The following HSPA4L variants were observed in gnomAD, a reference collection of about 807,000 sequenced individuals.
HSPA4L encodes heat shock 70 kDa protein 4L.
Under a neutral mutation model 100.3 loss-of-function variants are expected in HSPA4L, and 48 were observed. That is an observed-to-expected ratio of 0.48 (90% CI 0.38 to 0.61). The LOEUF (loss-of-function observed/expected upper bound fraction) is 0.61, where lower values mean the gene tolerates loss of function less well. HSPA4L is among the 20% of genes least tolerant of loss of function. The probability of loss-of-function intolerance (pLI) is 0.00; values close to 1 mark genes in which losing one functional copy is unlikely to be tolerated. For missense variants in HSPA4L, 886 were observed against 988.6 expected, an observed-to-expected ratio of 0.90 and a Z score of 1.39; for synonymous variants, 319 against 328.2, an observed-to-expected ratio of 0.97 and a Z score of 0.30.
intron 12 of HSPA4L, among the ~76,000 whole-genome samples, chr4:127,816,784 T>C (rs1251757305): frequency 6.6e-6 from 1 of 152,084 alleles, no homozygotes; most frequent in Non-Finnish European, 1.5e-5. Context: ...TTCAGAAGAG[T>C]TGGATTCTGA....
At chr4:127,830,280 A>G (rs1734046217) in intron 17 of HSPA4L, among the ~76,000 whole-genome samples, 1 of 152,122 alleles carries the variant, frequency 6.6e-6, no homozygotes, top group African/African-American at 2.4e-5. Context: ...TTTCTGTTAT[A>G]TATTCATAAT....
rs2148805503 is a variant in HSPA4L at position 127,838,525 on chromosome 4, T to C, written c.*5651T>C. ...CAAAAAAAATTAATAGTATGCTCTT[T>C]GCTTTGGAATCTCTAATTTACGGTC... On this transcript the variant is annotated 3_prime_UTR_variant, in exon 19 of 19. Coordinates refer to ENST00000296464, the MANE Select transcript of HSPA4L (RefSeq NM_014278.4). 6.6e-6 allele frequency: 1 copy of C among 152,330 alleles called. No individual in the cohort carries two copies. The highest frequency in any genetic ancestry group is 6.5e-5 in the Admixed American group (1 of 15,306). 9.4% of individuals were successfully genotyped at this position (152,330 alleles called of 1,614,324 possible).
intron 1 of HSPA4L, among the ~76,000 whole-genome samples, chr4:127,784,737 A>G (rs1732665977): frequency 6.6e-6 from 1 of 152,268 alleles, no homozygotes; most frequent in Admixed American, 6.5e-5. Flanking sequence ...GAGGAAAAAC[A>G]TAGCCCTTCC....
Position 127,782,646 on chromosome 4 carries a change from C to T in HSPA4L, c.96C>T (p.Asp32=). 1 of 1,609,932 alleles carries T rather than the reference C, an allele frequency of 6.2e-7. No individual in the cohort carries two copies. The highest frequency in any genetic ancestry group is 1.1e-5 in the South Asian group (1 of 90,642). ...GIETIANEYS[D]RCTPACISLG... ...AGACCATCGCCAATGAGTACAGCGACAGGTGTACCCCGTAAGTGCCTCTGC... is the reference window on the plus strand; with the variant it reads ...AGACCATCGCCAATGAGTACAGCGATAGGTGTACCCCGTAAGTGCCTCTGC... Residue 32 remains aspartate, a synonymous_variant, in exon 1 of 19, where the codon GAC becomes GAT. Transcript: ENST00000296464.
At chr4:127,827,541 G>A (rs1733978298) in intron 17 of HSPA4L, 117 bp downstream of exon 17, 1 of 1,176,320 alleles carries the variant, frequency 8.5e-7, no homozygotes, top group Admixed American at 2.3e-5. Flanking sequence ...AAATTCCAGA[G>A]ACTTTGTGTA....
At chr4:127,827,796 A>G (rs1733984952) in intron 17 of HSPA4L, among the ~76,000 whole-genome samples, 1 of 151,988 alleles carries the variant, frequency 6.6e-6, no homozygotes, top group Non-Finnish European at 1.5e-5. Context: ...GGACTCTGCT[A>G]GCCTTTATTT....
intron 12 of HSPA4L, chr4:127,812,810 G>A: frequency 2.2e-6 from 3 of 1,368,364 alleles, no homozygotes; most frequent in Middle Eastern, 2.2e-4. Flanking sequence ...GGAGCAGGCT[G>A]GCGCTTTAGT....
chr4:127,782,035 C>T, upstream of HSPA4L: 1 of 454,848 alleles, frequency 2.2e-6, no homozygotes, highest in South Asian at 1.6e-5. Flanking sequence ...CGACGTCCTA[C>T]TGCCGAGCGA....
At chr4:127,820,965 T>C (rs1733795208) in intron 14 of HSPA4L, among the ~76,000 whole-genome samples, 1 of 152,160 alleles carries the variant, frequency 6.6e-6, no homozygotes, top group African/African-American at 2.4e-5. Context: ...TTTTAAAAAA[T>C]CTTTGTCATT....
chr4:127,824,414 TC>T (rs1419765638), intron 16 of HSPA4L, among the ~76,000 whole-genome samples: 1 of 152,188 alleles, frequency 6.6e-6, no homozygotes, highest in Non-Finnish European at 1.5e-5. Context: ...AATTACTAAA[TC>T]AGAAATGTAT....
At chr4:127,801,301 T>G (rs555688483) in intron 5 of HSPA4L, 64 bp downstream of exon 5, 1 of 1,198,128 alleles carries the variant, frequency 8.3e-7, no homozygotes, top group Admixed American at 2.3e-5. Flanking sequence ...TTTCTAATTA[T>G]TAACAAAGCA....
intron 2 of HSPA4L, among the ~76,000 whole-genome samples, chr4:127,795,282 A>C (rs1455809506): frequency 6.6e-6 from 1 of 152,214 alleles, no homozygotes; most frequent in African/African-American, 2.4e-5. Context: ...GAATATTTGC[A>C]TGATACAGGT....
chr4:127,803,941 G>C, intron 7 of HSPA4L, 68 bp downstream of exon 7: 2 of 1,607,298 alleles, frequency 1.2e-6, no homozygotes, highest in Non-Finnish European at 1.7e-6. Context: ...CGTCTGATTT[G>C]TTTGTTGTTT....
Position 127,813,647 on chromosome 4 carries a change from T to G in HSPA4L, c.1578+2011T>G, listed in dbSNP as rs370592645. On this transcript the variant is annotated intron_variant, in intron 12 of 18. Coordinates refer to ENST00000296464, the MANE Select transcript of HSPA4L (RefSeq NM_014278.4). ...GTGTTTATAATCATTTATCTATTTT[T>G]TTGTTGTTGTTGTTTGAGACAGTCT... is the stretch of plus-strand genomic sequence containing the variant. Among the ~76,000 whole-genome samples the G allele has an allele frequency of 3.5e-4, 53 of 152,302 alleles. 1 individual carries two copies. In the South Asian group the frequency reaches 3.9e-3, roughly 11 times the overall value.
chr4:127,823,592 C>T lies in HSPA4L; in HGVS notation c.2014C>T (p.Gln672Ter). Residue 672 changes from glutamine (Q) to a stop codon, truncating the protein, a stop_gained, in exon 16 of 19, where the codon CAA (glutamine) becomes TAA (stop). Coordinates refer to ENST00000296464, the MANE Select transcript of HSPA4L (RefSeq NM_014278.4). LOFTEE classifies it high-confidence loss of function. ...TGAAGACGGAGAGGACCAACCTAAA[C>T]AAGTTTATGTGGATAAGCTTCAAGA... ...LYEDGEDQPK[Q>*]VYVDKLQELK... 1 of 1,613,118 alleles carries T rather than the reference C, an allele frequency of 6.2e-7. No individual in the cohort carries two copies. The highest frequency in any genetic ancestry group is 1.1e-5 in the South Asian group (1 of 91,064).
intron 3 of HSPA4L, among the ~76,000 whole-genome samples, chr4:127,797,787 G>C (rs896144376): frequency 9.9e-5 from 15 of 151,788 alleles, no homozygotes; most frequent in Admixed American, 6.6e-5. Context: ...ATTTTTAGTA[G>C]AGACAGGGTT....
rs1361426591 is a variant in HSPA4L, at chr4:127,839,635, G to C, written c.*6761G>C. The C allele has an allele frequency of 6.6e-6, 1 of 151,892 alleles. No homozygotes were observed. The highest frequency in any genetic ancestry group is 1.5e-5 in the Non-Finnish European group (1 of 68,030). 9.4% of individuals were successfully genotyped at this position (151,892 alleles called of 1,614,324 possible). On this transcript the variant is annotated 3_prime_UTR_variant, in exon 19 of 19. Coordinates refer to ENST00000296464, the MANE Select transcript of HSPA4L (RefSeq NM_014278.4). ...TTGAACCCGGGAGGTGGAGGTCGCAGTGAGCTGAGATCCTGCCACTGCACT... is the reference window on the plus strand; with the variant it reads ...TTGAACCCGGGAGGTGGAGGTCGCACTGAGCTGAGATCCTGCCACTGCACT...
intron 3 of HSPA4L, among the ~76,000 whole-genome samples, chr4:127,798,178 T>TC (rs1223873203): frequency 1.3e-5 from 2 of 152,182 alleles, no homozygotes; most frequent in Admixed American, 6.5e-5. Flanking sequence ...CATTTCCTTT[T>TC]CCAAAACTGT....
chr4:127,811,490 G>A lies in HSPA4L; in HGVS notation c.1432G>A (p.Val478Met). The change falls in exon 12 of 19, where the codon GTG becomes ATG. Residue 478 changes from valine to methionine, a missense_variant. Transcript: ENST00000296464. ...FPQSDGDSSK[V>M]KVKVRVNIHG... Reference sequence around the variant, plus strand: ...ACAGTCTGATGGTGATAGTTCCAAAGTGAAGGTTAAAGTTCGTGTTAACAT... The same window carrying A: ...ACAGTCTGATGGTGATAGTTCCAAAATGAAGGTTAAAGTTCGTGTTAACAT... The A allele has an allele frequency of 1.2e-6, 2 of 1,613,984 alleles. No homozygotes were observed. Among genetic ancestry groups the A allele is most frequent in the Non-Finnish European group, 8.5e-7 (1 of 1,179,980 alleles).
Sources: allele counts gnomAD v4.1 joint callset (sites outside exome capture counted in the v4.1 genomes callset), GRCh38; gene constraint gnomAD v4.1.1; transcripts MANE v1.5; gene names NCBI Gene and HGNC (gene_info 2026-07-23, HGNC 2026-07-21).